L3MBTL4: variants seen among roughly 807,000 people sequenced by gnomAD.
The protein encoded by L3MBTL4 is lethal(3)malignant brain tumor-like protein 4.
In L3MBTL4, 70 loss-of-function variants were observed where a neutral mutation model predicts 84.5. The ratio of observed to expected loss-of-function variants is 0.83; its 90% CI spans 0.68 to 1.01. The LOEUF (loss-of-function observed/expected upper bound fraction) is 1.01, where lower values mean the gene tolerates loss of function less well. L3MBTL4 is among the 50% of genes least tolerant of loss of function. L3MBTL4 has a pLI of 0.00. For missense variants in L3MBTL4, 715 were observed against 754.8 expected, an observed-to-expected ratio of 0.95 and a Z score of 0.62; for synonymous variants, 274 against 259.8, an observed-to-expected ratio of 1.05 and a Z score of -0.52.
At chr18:6,242,417 A>C (rs1428299574) in intron 7 of L3MBTL4, among the ~76,000 whole-genome samples, 1 of 152,152 alleles carries the variant, frequency 6.6e-6, no homozygotes, top group Admixed American at 6.5e-5. Context: ...TCTGAAATGA[A>C]GCCCCGTGGA....
intron 13 of L3MBTL4, among the ~76,000 whole-genome samples, chr18:6,149,598 G>C (rs1346158430): frequency 3.9e-5 from 6 of 152,010 alleles, no homozygotes; most frequent in African/African-American, 7.3e-5. Flanking sequence ...GGTATTTCTA[G>C]TTCTAGATCC....
intron 4 of L3MBTL4, among the ~76,000 whole-genome samples, chr18:6,279,051 A>G (rs76187398): frequency 0.011 from 1,716 of 152,238 alleles, 28 homozygotes; most frequent in African/African-American, 0.04. Flanking sequence ...AGGATGAAGG[A>G]CAGCCAAGTG....
chr18:6,209,256 T>C (rs1255027634), intron 12 of L3MBTL4, among the ~76,000 whole-genome samples: 1 of 152,136 alleles, frequency 6.6e-6, no homozygotes, highest in Non-Finnish European at 1.5e-5. Context: ...TCCACTCTAC[T>C]ATTACTACTT....
chr18:6,281,828 A>G (rs1363036618), intron 4 of L3MBTL4, among the ~76,000 whole-genome samples: 1 of 152,250 alleles, frequency 6.6e-6, no homozygotes, highest in African/African-American at 2.4e-5. Flanking sequence ...ATGGTAATGT[A>G]GTTATCAACA....
intron 12 of L3MBTL4, among the ~76,000 whole-genome samples, chr18:6,196,157 CTTTT>C (rs71370547): frequency 1.5e-5 from 2 of 130,208 alleles, no homozygotes; most frequent in Non-Finnish European, 3.2e-5. Flanking sequence ...TAGAGTTCCT[CTTTT>C]TTTTTTTTTT....
chr18:6,241,019 A>G (rs2047428703), intron 8 of L3MBTL4, among the ~76,000 whole-genome samples: 1 of 152,234 alleles, frequency 6.6e-6, no homozygotes, highest in African/African-American at 2.4e-5. Context: ...TACTTAGAGT[A>G]TCTGCTGGTT....
chr18:6,127,611 A>G (rs1173308820), intron 14 of L3MBTL4, among the ~76,000 whole-genome samples: 1 of 152,242 alleles, frequency 6.6e-6, no homozygotes, highest in African/African-American at 2.4e-5. Context: ...ATAGCAATAA[A>G]TGAATAAAAG....
chr18:6,378,412 G>A (rs903732490), intron 1 of L3MBTL4, among the ~76,000 whole-genome samples: 3 of 152,250 alleles, frequency 2.0e-5, no homozygotes, highest in Admixed American at 2.0e-4. Context: ...GTCCTGAATG[G>A]TATTGCCTAG....
chr18:6,309,000 T>C (rs2050713612), intron 3 of L3MBTL4, among the ~76,000 whole-genome samples: 1 of 152,238 alleles, frequency 6.6e-6, no homozygotes. Context: ...CACTGACAGA[T>C]ATTAATATTA....
intron 16 of L3MBTL4, among the ~76,000 whole-genome samples, chr18:6,044,361 A>G (rs965073562): frequency 3.9e-5 from 6 of 152,218 alleles, no homozygotes; most frequent in African/African-American, 1.4e-4. Flanking sequence ...GTCTGTGTTC[A>G]TGCCATGGTC....
chr18:6,292,657 A>G lies in L3MBTL4; in HGVS notation c.127+9246T>C, dbSNP rs925139078. Among the ~76,000 whole-genome samples the G allele has an allele frequency of 4.6e-5, 7 of 152,220 alleles. No homozygotes were observed. The South Asian group carries it at 1.0e-3, about 23-fold the overall frequency. Reference sequence around the variant, plus strand: ...GTTTGTCACCAATACTTTCAGAAACAGGTTTTGATCAAAAGGGGGAAATGT... The same window carrying G: ...GTTTGTCACCAATACTTTCAGAAACGGGTTTTGATCAAAAGGGGGAAATGT... On this transcript the variant is annotated intron_variant, in intron 4 of 18. Coordinates refer to ENST00000317931, the MANE Select transcript of L3MBTL4 (RefSeq NM_001330559.2).
At chr18:5,956,927 C>T (rs2095230496) in intron 18 of L3MBTL4, among the ~76,000 whole-genome samples, 1 of 151,742 alleles carries the variant, frequency 6.6e-6, no homozygotes, top group East Asian at 1.9e-4. Context: ...TTTTATAGAT[C>T]AGTAAACAAC....
chr18:6,104,631 T>C (rs1271048749), intron 14 of L3MBTL4, among the ~76,000 whole-genome samples: 1 of 152,210 alleles, frequency 6.6e-6, no homozygotes, highest in East Asian at 1.9e-4. Flanking sequence ...ACCCAGATGA[T>C]TAAGTTCTAG....
rs1054172284 is a variant in L3MBTL4 at position 5,956,167 on chromosome 18, T to G, written c.*53A>C. On this transcript the variant is annotated 3_prime_UTR_variant, in exon 19 of 19. Transcript: ENST00000317931. ...CACATCAAATTAATGTGCTCCACTT[T>G]TATTGCTGAAAGAGCGCAGGTCTTG... 6.7e-7 allele frequency: 1 copy of G among 1,484,006 alleles called. No individual in the cohort carries two copies. The highest frequency in any genetic ancestry group is 1.4e-5 in the African/African-American group (1 of 71,890). The allele number at this position is 1,484,006 out of a possible 1,614,324, so 91.9% of individuals were successfully genotyped here. A position where few individuals can be genotyped will look rare whatever the true frequency, so the allele number is the denominator to read the frequency against.
chr18:6,043,680 G>C (rs2145736205), intron 16 of L3MBTL4, among the ~76,000 whole-genome samples: 1 of 152,286 alleles, frequency 6.6e-6, no homozygotes, highest in African/African-American at 2.4e-5. Flanking sequence ...ATTCAGTGAA[G>C]ACAGGTTCGA....
At chr18:6,192,043 GA>G (rs928536272) in intron 12 of L3MBTL4, among the ~76,000 whole-genome samples, 27 of 150,726 alleles carry the variant, frequency 1.8e-4, no homozygotes, top group African/African-American at 6.6e-4. Flanking sequence ...AAAGAGAAAA[GA>G]AAAAAAATAT....
At chr18:6,169,827 A>G (rs1236897630) in intron 13 of L3MBTL4, among the ~76,000 whole-genome samples, 2 of 142,530 alleles carry the variant, frequency 1.4e-5, no homozygotes, top group Non-Finnish European at 3.1e-5. Flanking sequence ...TTAAAGTATA[A>G]TAATAATAAT....
chr18:5,982,100 T>C (rs750382759), intron 16 of L3MBTL4, among the ~76,000 whole-genome samples: 4 of 151,930 alleles, frequency 2.6e-5, no homozygotes, highest in Non-Finnish European at 5.9e-5. Context: ...GAACAAATTA[T>C]GAAGCAAAGG....
chr18:6,001,465 A>G (rs1567969099), intron 16 of L3MBTL4, among the ~76,000 whole-genome samples: 2 of 152,000 alleles, frequency 1.3e-5, no homozygotes, highest in Admixed American at 1.3e-4. Context: ...CAATTAAAAA[A>G]CCCCAAACAA....
Sources: gnomAD v4.1 joint callset for allele counts (sites outside exome capture counted in the v4.1 genomes callset) on GRCh38, gnomAD v4.1.1 for gene constraint, MANE v1.5 for transcripts, NCBI Gene and HGNC (gene_info 2026-07-23, HGNC 2026-07-21) for gene names.